OTOF: variants seen among roughly 807,000 people sequenced by gnomAD.
OTOF encodes otoferlin.
A neutral mutation model predicts 236.8 loss-of-function variants in OTOF; 218 were observed. The ratio of observed to expected loss-of-function variants is 0.92; its 90% CI spans 0.82 to 1.03. The LOEUF is 1.03. Among genes scored for constraint, OTOF ranks in the 50% least tolerant of loss-of-function variants. The pLI is 0.00. For synonymous variants in OTOF, 1,041 were observed against 1,072.5 expected (o/e 0.97, Z 0.57); for missense variants, 2,590 against 2,694.4 (o/e 0.96, Z 0.86).
intron 1 of OTOF, among the ~76,000 whole-genome samples, chr2:26,551,296 A>G (rs1202549855): frequency 4.6e-5 from 7 of 152,164 alleles, no homozygotes; most frequent in Non-Finnish European, 1.0e-4. Context: ...CAGCCCTTTC[A>G]TGGCCTTTGT....
rs1054882991 is a variant in OTOF at position 26,558,081 on chromosome 2, C to T, written c.79+412G>A. 2.6e-5 allele frequency among the ~76,000 whole-genome samples: 4 copies of T among 151,782 alleles called. No individual in the cohort carries two copies. The East Asian group carries it at 5.9e-4, about 22-fold the overall frequency. On this transcript the variant is annotated intron_variant, in intron 1 of 46. Coordinates refer to ENST00000272371, the MANE Select transcript of OTOF (RefSeq NM_194248.3). Reference sequence around the variant, plus strand: ...TGGCTGCCTGGTTTCTCCCAGTCACCCTGGGTGCCCCAGGCTCCATACCCG... The same window carrying T: ...TGGCTGCCTGGTTTCTCCCAGTCACTCTGGGTGCCCCAGGCTCCATACCCG...
intron 11 of OTOF, among the ~76,000 whole-genome samples, chr2:26,485,500 T>G (rs896702283): frequency 5.9e-5 from 9 of 152,204 alleles, no homozygotes; most frequent in Non-Finnish European, 1.3e-4. Context: ...GACCTATGAC[T>G]GTGTGGAGGA....
Position 26,483,504 on chromosome 2 carries a change from G to C in OTOF, c.1350C>G (p.Asp450Glu), listed in dbSNP as rs779693261. ...VKKAFIGENK[D>E]LVDPYVQVFF... ...AGACTTGCACGTAGGGGTCCACGAG[G>C]TCCTTGTTTTCACCGATGAAAGCCT... The change falls in exon 13 of 47, where the codon GAC (aspartate) becomes GAG (glutamate). Residue 450 changes from aspartate (D) to glutamate (E), a missense_variant. By Grantham distance (45) the Asp-to-Glu change is conservative. Around this residue, in one of 2 missense-constraint regions of OTOF, gnomAD observed 1,379 missense variants for 1,341.6 expected, o/e 1.03. Transcript: ENST00000272371. The C allele has an allele frequency of 2.4e-5, 39 of 1,613,942 alleles. No homozygotes were observed. In the East Asian group the frequency reaches 8.7e-4, roughly 36 times the overall value.
chr2:26,544,831 A>T (rs1265501329), intron 1 of OTOF, among the ~76,000 whole-genome samples: 2 of 151,984 alleles, frequency 1.3e-5, no homozygotes, highest in Non-Finnish European at 2.9e-5. Flanking sequence ...AGGTCAGGAG[A>T]TGGAGACCAT....
At chr2:26,493,906 C>T (rs994979080) in intron 9 of OTOF, among the ~76,000 whole-genome samples, 2 of 152,184 alleles carry the variant, frequency 1.3e-5, no homozygotes, top group African/African-American at 2.4e-5. Context: ...TGCCTGCCTA[C>T]CAGACACTCC....
At chr2:26,523,820 A>G (rs1437569603) in intron 3 of OTOF, among the ~76,000 whole-genome samples, 1 of 152,218 alleles carries the variant, frequency 6.6e-6, no homozygotes, top group Non-Finnish European at 1.5e-5. Flanking sequence ...CATGAGAAGG[A>G]GCCTGGGGTC....
At chr2:26,510,503 G>A (rs999357941) in intron 5 of OTOF, among the ~76,000 whole-genome samples, 3 of 150,736 alleles carry the variant, frequency 2.0e-5, no homozygotes, top group African/African-American at 4.9e-5. Context: ...CCTCCCCCGC[G>A]ACCCTAACCC....
chr2:26,464,084 C>G lies in OTOF; in HGVS notation c.4983G>C (p.Glu1661Asp). Residue 1661 changes from glutamate to aspartate, a missense_variant, in exon 40 of 47, where the codon GAG (glutamate) becomes GAC (aspartate). Glu to Asp is a conservative substitution (Grantham distance 45). Transcript: ENST00000272371. ...GCCTCAGGGCCAACAGCGCCACATG[C>G]TCGTCTGTGGGCTTCCTCTGACCTG... is the stretch of plus-strand genomic sequence containing the variant. ...DENGQRKPTD[E>D]HVALLALRHW... 6.2e-7 allele frequency: 1 copy of G among 1,613,642 alleles called. No homozygotes were observed. Among genetic ancestry groups the G allele is most frequent in the Non-Finnish European group, 8.5e-7 (1 of 1,180,014 alleles).
rs140941390 is a variant in OTOF, at chr2:26,507,776, G to A, written c.510-3931C>T. On this transcript the variant is annotated intron_variant, in intron 5 of 46. Coordinates refer to ENST00000272371, the MANE Select transcript of OTOF (RefSeq NM_194248.3). ...CTCTGAGGATTTAGAATCCGTTTGA[G>A]TTTCCTGTGGCTACATTCACCATGG... Among the ~76,000 whole-genome samples, 288 of 152,262 alleles carry A rather than the reference G, an allele frequency of 1.9e-3. 1 individual carries two copies. The highest frequency in any genetic ancestry group is 6.5e-3 in the African/African-American group (270 of 41,534).
chr2:26,544,079 T>C (rs963791829), intron 1 of OTOF, among the ~76,000 whole-genome samples: 5 of 152,264 alleles, frequency 3.3e-5, no homozygotes, highest in African/African-American at 1.2e-4. Context: ...TCTTCTATTA[T>C]GAATCACATT....
chr2:26,525,884 C>T (rs763096796), intron 3 of OTOF, among the ~76,000 whole-genome samples: 7 of 151,844 alleles, frequency 4.6e-5, no homozygotes, highest in African/African-American at 9.7e-5. Context: ...GTCAGGAGTT[C>T]GATACCAACC....
At chr2:26,459,914 A>T in intron 46 of OTOF, 94 bp downstream of exon 46, 1 of 1,195,944 alleles carries the variant, frequency 8.4e-7, no homozygotes, top group Non-Finnish European at 1.2e-6. Context: ...ACATGTATGC[A>T]TATTTGTGTT....
At chr2:26,510,822 G>A in intron 5 of OTOF, 1 of 1,061,888 alleles carries the variant, frequency 9.4e-7, no homozygotes, top group Non-Finnish European at 1.3e-6. Context: ...ACTGGCCTCA[G>A]CCCCGGCCCC....
In OTOF at chr2:26,480,958, C is replaced by T. The variant is rs778488529; in HGVS notation, c.1631G>A (p.Arg544His). 21 of 1,609,042 alleles carry T rather than the reference C, an allele frequency of 1.3e-5. No individual in the cohort carries two copies. The East Asian group carries it at 2.7e-4, about 21-fold the overall frequency. The change falls in exon 15 of 47, where the codon CGT (arginine) becomes CAT (histidine). Residue 544 changes from arginine to histidine, a missense_variant. Transcript: ENST00000272371. ...PAWVNMYGST[R>H]NYTLLDEHQD... ...ATGCTCATCCAGCAGCGTGTAGTTA[C>T]GTGTGGAGCCGTACATGTTCACCCA...
Position 26,479,495 on chromosome 2 carries a change from T to C in OTOF, c.2071A>G (p.Met691Val), listed in dbSNP as rs141707016. ...CACCTGTCGGTGACCTGGGGCCGCA[T>C]TGGTGGAGTGGAGGAGACTGAGGCC... ...DLASVSSTPP[M>V]RPQVTDRNYF... Residue 691 changes from methionine to valine, a missense_variant, in exon 17 of 47, where the codon ATG (methionine) becomes GTG (valine). Coordinates refer to ENST00000272371, the MANE Select transcript of OTOF (RefSeq NM_194248.3). 2.5e-6 allele frequency: 4 copies of C among 1,602,462 alleles called. No homozygotes were observed. In the African/African-American group the frequency reaches 4.0e-5, roughly 16 times the overall value.
intron 14 of OTOF, 32 bp downstream of exon 14, chr2:26,482,374 C>T (rs768109954): frequency 4.6e-5 from 74 of 1,601,562 alleles, no homozygotes; most frequent in Non-Finnish European, 5.6e-5. Context: ...ACTCCCTCTG[C>T]CCCCCAGCAC....
At chr2:26,523,270 T>C (rs1260522495) in intron 3 of OTOF, among the ~76,000 whole-genome samples, 1 of 152,236 alleles carries the variant, frequency 6.6e-6, no homozygotes, top group Non-Finnish European at 1.5e-5. Context: ...AGCCCAAGGT[T>C]CCTGGACACA....
Position 26,537,741 on chromosome 2 carries a change from C to G in OTOF, c.113G>C (p.Cys38Ser). The change falls in exon 2 of 47, where the codon TGT becomes TCT. Residue 38 changes from cysteine to serine, a missense_variant. Cys to Ser is a moderately radical substitution (Grantham distance 112). Around this residue, in one of 2 missense-constraint regions of OTOF, gnomAD observed 1,379 missense variants for 1,341.6 expected, o/e 1.03. Transcript: ENST00000272371. ...CTCATCAAAGTCAGCCACATCCTCACAGTTCTCCAGGACCCGAGAGTAGAA... is the reference window on the plus strand; with the variant it reads ...CTCATCAAAGTCAGCCACATCCTCAGAGTTCTCCAGGACCCGAGAGTAGAA... ...QSFYSRVLEN[C>S]EDVADFDETF... 6.4e-7 allele frequency: 1 copy of G among 1,555,464 alleles called. No individual in the cohort carries two copies.
intron 39 of OTOF, 69 bp from the exon 40 acceptor site, chr2:26,464,175 G>T: frequency 6.3e-7 from 1 of 1,586,634 alleles, no homozygotes. Flanking sequence ...TGGGACTAGG[G>T]ACTTAGGAGC....
Sources: gnomAD v4.1 joint callset for allele counts (sites outside exome capture counted in the v4.1 genomes callset) on GRCh38, gnomAD v4.1.1 for gene constraint, gnomAD v4.1.1 regional missense constraint, MANE v1.5 for transcripts, NCBI Gene and HGNC (gene_info 2026-07-23, HGNC 2026-07-21) for gene names.